The following FER1L6 variants were observed in gnomAD, a reference collection of about 807,000 sequenced individuals.
FER1L6 encodes fer-1-like protein 6.
A neutral mutation model predicts 219.2 loss-of-function variants in FER1L6; 177 were observed. The observed-to-expected ratio is 0.81, with a 90% CI of 0.71 to 0.91. The LOEUF is 0.91. Among genes scored for constraint, FER1L6 ranks in the 40% least tolerant of loss-of-function variants. The pLI, the probability that FER1L6 is intolerant of heterozygous loss-of-function variation, is 0.00. For synonymous variants in FER1L6, 768 were observed against 824.3 expected, an observed-to-expected ratio of 0.93 and a Z score of 1.17; for missense variants, 2,153 against 2,259.9, an observed-to-expected ratio of 0.95 and a Z score of 0.96.
At chr8:123,972,963 T>C (rs748783228) in intron 6 of FER1L6, among the ~76,000 whole-genome samples, 2 of 152,200 alleles carry the variant, frequency 1.3e-5, no homozygotes, top group Non-Finnish European at 2.9e-5. Flanking sequence ...TTGAGGGTGA[T>C]TACCTCCTTT....
chr8:124,017,024 T>C (rs1434186640), intron 15 of FER1L6, among the ~76,000 whole-genome samples: 1 of 152,184 alleles, frequency 6.6e-6, no homozygotes, highest in African/African-American at 2.4e-5. Flanking sequence ...TGAATATTAT[T>C]CATTTTTATA....
At chr8:123,888,169 T>C (rs923837782) in intron 1 of FER1L6, among the ~76,000 whole-genome samples, 3 of 151,886 alleles carry the variant, frequency 2.0e-5, no homozygotes, top group Non-Finnish European at 2.9e-5. Context: ...CATGTTGGAG[T>C]GCAGTGACAC....
Position 124,035,439 on chromosome 8 carries a change from A to T in FER1L6, c.2449A>T (p.Asn817Tyr). ...KGAGTNHPPS[N>Y]LLYQEQHVFQ... ...GGCTGGCACCAATCACCCCCCATCT[A>T]ACCTGCTCTACCAAGGTAGGGTCCC... Residue 817 changes from asparagine (N) to tyrosine (Y), a missense_variant, in exon 19 of 41, where the codon AAC becomes TAC. Transcript: ENST00000522917. The T allele has an allele frequency of 6.2e-7, 1 of 1,612,836 alleles. No homozygotes were observed. Among genetic ancestry groups the T allele is most frequent in the Admixed American group, 1.7e-5 (1 of 59,962 alleles).
intron 17 of FER1L6, among the ~76,000 whole-genome samples, chr8:124,022,991 C>A (rs1227254133): frequency 1.3e-5 from 2 of 152,144 alleles, no homozygotes; most frequent in Non-Finnish European, 2.9e-5. Flanking sequence ...CGGCTCACTG[C>A]AACCTCCTCC....
chr8:124,056,236 A>G (rs1277864245), intron 22 of FER1L6, among the ~76,000 whole-genome samples: 2 of 152,222 alleles, frequency 1.3e-5, no homozygotes, highest in African/African-American at 4.8e-5. Context: ...CCCAATTCCT[A>G]GAAATATCTC....
chr8:124,086,922 G>C (rs1414076395), intron 33 of FER1L6, among the ~76,000 whole-genome samples: 1 of 151,962 alleles, frequency 6.6e-6, no homozygotes, highest in African/African-American at 2.4e-5. Context: ...CTCTCTCCTG[G>C]CCTATAAGGT....
At chr8:124,077,988 G>A (rs540012242) in intron 32 of FER1L6, among the ~76,000 whole-genome samples, 18 of 152,186 alleles carry the variant, frequency 1.2e-4, no homozygotes, top group African/African-American at 1.9e-4. Context: ...GGTATCTTGC[G>A]TTGCTTTACC....
At chr8:124,102,762 G>A (rs1404638415) in intron 38 of FER1L6, among the ~76,000 whole-genome samples, 1 of 152,160 alleles carries the variant, frequency 6.6e-6, no homozygotes, top group East Asian at 1.9e-4. Context: ...GGTGAAGTGG[G>A]GTGAGGAGGC....
At chr8:123,864,348 G>A (rs1300823750) in intron 1 of FER1L6, among the ~76,000 whole-genome samples, 9 of 148,924 alleles carry the variant, frequency 6.0e-5, no homozygotes, top group African/African-American at 1.0e-4. Context: ...CTAGAGATCC[G>A]CTGTTAGTCT....
At chr8:123,865,384 A>G (rs1816816469) in intron 1 of FER1L6, among the ~76,000 whole-genome samples, 1 of 150,018 alleles carries the variant, frequency 6.7e-6, no homozygotes, top group Non-Finnish European at 1.5e-5. Flanking sequence ...CTCTCTTCAA[A>G]GCTGTCAGAC....
intron 1 of FER1L6, among the ~76,000 whole-genome samples, chr8:123,920,821 T>C (rs900489546): frequency 2.0e-5 from 3 of 152,362 alleles, no homozygotes; most frequent in African/African-American, 2.4e-5. Context: ...ACTATACCCA[T>C]TGAAAAACAA....
At chr8:124,081,311 A>C (rs780701161) in intron 32 of FER1L6, among the ~76,000 whole-genome samples, 2 of 152,140 alleles carry the variant, frequency 1.3e-5, no homozygotes, top group Non-Finnish European at 2.9e-5. Context: ...ATGCAGTAGC[A>C]TTGGGTAATT....
intron 22 of FER1L6, among the ~76,000 whole-genome samples, chr8:124,051,668 G>A (rs921742460): frequency 6.6e-6 from 1 of 152,182 alleles, no homozygotes; most frequent in South Asian, 2.1e-4. Context: ...TCAATATGGC[G>A]AGTGAGAGCC....
intron 1 of FER1L6, among the ~76,000 whole-genome samples, chr8:123,898,349 T>G (rs900294892): frequency 2.0e-5 from 3 of 152,014 alleles, no homozygotes; most frequent in African/African-American, 7.2e-5. Context: ...GAGTAAGTTC[T>G]TTAGTGGTGA....
At chr8:123,997,707 C>CT (rs1241301544) in intron 12 of FER1L6, among the ~76,000 whole-genome samples, 1 of 152,050 alleles carries the variant, frequency 6.6e-6, no homozygotes, top group Admixed American at 6.6e-5. Context: ...CTTTTCTATT[C>CT]TTTTTTTCTT....
At chr8:123,989,939 T>C (rs1816769703) in intron 12 of FER1L6, among the ~76,000 whole-genome samples, 1 of 152,154 alleles carries the variant, frequency 6.6e-6, no homozygotes, top group Non-Finnish European at 1.5e-5. Context: ...AGTAGTAGGA[T>C]TGCTGGATTG....
At chr8:124,014,536 G>A (rs2130586736) in intron 15 of FER1L6, 2 of 152,690 alleles carry the variant, frequency 1.3e-5, no homozygotes, top group South Asian at 4.1e-4. Flanking sequence ...GTCTCTCTTG[G>A]TGCTTTGGAA....
intron 1 of FER1L6, among the ~76,000 whole-genome samples, chr8:123,939,904 A>C (rs1288226247): frequency 6.6e-6 from 1 of 152,206 alleles, no homozygotes; most frequent in African/African-American, 2.4e-5. Flanking sequence ...TTTCTTCCTC[A>C]CATAGCTACA....
At chr8:123,925,575 A>G (rs897961619) in intron 1 of FER1L6, 4 of 152,222 alleles carry the variant, frequency 2.6e-5, no homozygotes, top group African/African-American at 4.8e-5. Flanking sequence ...TGGCATTACC[A>G]TGAAATGGAA....
Sources: allele counts gnomAD v4.1 joint callset (sites outside exome capture counted in the v4.1 genomes callset), GRCh38; gene constraint gnomAD v4.1.1; transcripts MANE v1.5; gene names NCBI Gene and HGNC (gene_info 2026-07-23, HGNC 2026-07-21).